The following ZNF407 variants were observed in gnomAD, a reference collection of about 807,000 sequenced individuals.
ZNF407 encodes zinc finger protein 407.
Under a neutral mutation model 131.2 loss-of-function variants are expected in ZNF407, and 17 were observed. The observed-to-expected ratio is 0.13, with a 90% CI of 0.09 to 0.19. The LOEUF is 0.19. Among genes scored for constraint, ZNF407 ranks in the 10% least tolerant of loss-of-function variants. The probability of loss-of-function intolerance (pLI) is 1.00; values close to 1 mark genes in which losing one functional copy is unlikely to be tolerated. For synonymous variants in ZNF407, 1,156 were observed against 1,062.0 expected, an observed-to-expected ratio of 1.09 and a Z score of -1.72; for missense variants, 2,681 against 2,830.6, an observed-to-expected ratio of 0.95 and a Z score of 1.20.
At chr18:74,832,899 T>A (rs1044480920) in intron 4 of ZNF407, among the ~76,000 whole-genome samples, 3 of 152,194 alleles carry the variant, frequency 2.0e-5, no homozygotes, top group African/African-American at 7.2e-5. Context: ...TCTATTGAAT[T>A]TTTAAAACTA....
chr18:74,752,674 C>G (rs560007021), intron 3 of ZNF407, among the ~76,000 whole-genome samples: 4 of 152,166 alleles, frequency 2.6e-5, no homozygotes, highest in Non-Finnish European at 5.9e-5. Context: ...TGTCAAAGAT[C>G]AGATGGTTGT....
rs147840191 is a variant in ZNF407 at position 74,964,864 on chromosome 18, C to T, written c.5428+44172C>T. Among the ~76,000 whole-genome samples, 749 of 152,260 alleles carry T rather than the reference C, an allele frequency of 4.9e-3. 19 individuals carry two copies. Among genetic ancestry groups the T allele is most frequent in the East Asian group, 0.035 (179 of 5,172 alleles). ...GGGGTGGGTGTCTGCTCCCTACCCT[C>T]CCTTTAGATGTCTGCTAAAATTCAG... On this transcript the variant is annotated intron_variant, in intron 8 of 8. Coordinates refer to ENST00000299687, the MANE Select transcript of ZNF407 (RefSeq NM_017757.3).
At chr18:74,843,422 A>G (rs1292619039) in intron 4 of ZNF407, among the ~76,000 whole-genome samples, 2 of 152,332 alleles carry the variant, frequency 1.3e-5, no homozygotes, top group East Asian at 3.9e-4. Flanking sequence ...AGACATATAT[A>G]TATCTTCTCT....
intron 8 of ZNF407, among the ~76,000 whole-genome samples, chr18:74,988,190 T>C (rs540032695): frequency 3.7e-4 from 57 of 152,342 alleles, no homozygotes; most frequent in African/African-American, 1.3e-3. Context: ...TTAACGGTTC[T>C]GAAATATTAT....
chr18:74,704,768 CA>C (rs1967585190), intron 3 of ZNF407, among the ~76,000 whole-genome samples: 2 of 152,090 alleles, frequency 1.3e-5, no homozygotes, highest in East Asian at 1.9e-4. Flanking sequence ...AGTGTTTCTG[CA>C]ATAAGTGTCT....
At chr18:74,751,369 T>G (rs182279984) in intron 3 of ZNF407, among the ~76,000 whole-genome samples, 7 of 152,172 alleles carry the variant, frequency 4.6e-5, no homozygotes, top group African/African-American at 7.2e-5. Context: ...TTCTTTTTTT[T>G]AAAATTTATT....
intron 3 of ZNF407, among the ~76,000 whole-genome samples, chr18:74,725,707 A>G (rs1968140523): frequency 1.3e-5 from 2 of 152,340 alleles, no homozygotes; most frequent in Middle Eastern, 3.4e-3. Context: ...TTTAAACTAT[A>G]ATACAATATG....
chr18:74,891,847 T>C (rs1372536337), intron 7 of ZNF407, among the ~76,000 whole-genome samples: 1 of 152,208 alleles, frequency 6.6e-6, no homozygotes, highest in Non-Finnish European at 1.5e-5. Context: ...ATTCAGTTTT[T>C]ACTCTATGCA....
intron 7 of ZNF407, among the ~76,000 whole-genome samples, chr18:74,895,294 G>C (rs1012231016): frequency 7.9e-5 from 12 of 151,182 alleles, no homozygotes; most frequent in Non-Finnish European, 1.6e-4. Context: ...TGCTCAACTA[G>C]AAGTGTGCTT....
chr18:75,022,706 A>G (rs1244953224), intron 8 of ZNF407, among the ~76,000 whole-genome samples: 1 of 152,190 alleles, frequency 6.6e-6, no homozygotes, highest in Non-Finnish European at 1.5e-5. Flanking sequence ...GTGAGGCTGT[A>G]GAGAGGAACA....
intron 4 of ZNF407, among the ~76,000 whole-genome samples, chr18:74,817,749 C>G (rs1006017655): frequency 6.6e-6 from 1 of 152,146 alleles, no homozygotes. Context: ...AACCACAAGG[C>G]TGAGAAGTTA....
chr18:74,812,880 C>A (rs1002793491), intron 4 of ZNF407, among the ~76,000 whole-genome samples: 2 of 152,120 alleles, frequency 1.3e-5, no homozygotes, highest in South Asian at 2.1e-4. Flanking sequence ...CCAATGAATT[C>A]TTGATGAAAG....
intron 4 of ZNF407, among the ~76,000 whole-genome samples, chr18:74,859,228 A>C (rs1333312012): frequency 1.3e-5 from 2 of 152,302 alleles, no homozygotes; most frequent in African/African-American, 2.4e-5. Flanking sequence ...TGTGTTTATG[A>C]CTTCTAATTG....
At chr18:74,783,506 C>G (rs1969646648) in intron 4 of ZNF407, among the ~76,000 whole-genome samples, 1 of 151,242 alleles carries the variant, frequency 6.6e-6, no homozygotes, top group East Asian at 1.9e-4. Context: ...CCTTAAAATG[C>G]TAGAAATCCT....
intron 8 of ZNF407, among the ~76,000 whole-genome samples, chr18:74,963,741 C>T (rs1252053173): frequency 2.0e-5 from 3 of 152,196 alleles, no homozygotes; most frequent in Non-Finnish European, 4.4e-5. Context: ...TTTAAAATTT[C>T]AGATGGCTTA....
rs567594516 is a variant in ZNF407, at chr18:74,843,163, A to G, written c.4878-34034A>G. On this transcript the variant is annotated intron_variant, in intron 4 of 8. Coordinates refer to ENST00000299687, the MANE Select transcript of ZNF407 (RefSeq NM_017757.3). Reference sequence around the variant, plus strand: ...TTTGACGAATGAGTATATTGGGCATATGTGTTTTATATTTCTATTTTTTGT... The same window carrying G: ...TTTGACGAATGAGTATATTGGGCATGTGTGTTTTATATTTCTATTTTTTGT... Among the ~76,000 whole-genome samples, 13 of 152,244 alleles carry G rather than the reference A, an allele frequency of 8.5e-5. No homozygotes were observed. In the South Asian group the frequency reaches 2.7e-3, roughly 32 times the overall value.
At chr18:75,050,790 G>C (rs980597575) in intron 8 of ZNF407, among the ~76,000 whole-genome samples, 2 of 152,174 alleles carry the variant, frequency 1.3e-5, no homozygotes, top group Non-Finnish European at 2.9e-5. Context: ...CTACAGTAAA[G>C]GTAGTCAGTG....
At chr18:74,795,090 C>G (rs1467076830) in intron 4 of ZNF407, among the ~76,000 whole-genome samples, 1 of 151,898 alleles carries the variant, frequency 6.6e-6, no homozygotes, top group East Asian at 1.9e-4. Flanking sequence ...GGGATCATTC[C>G]TGTTAGCATT....
intron 3 of ZNF407, among the ~76,000 whole-genome samples, chr18:74,704,233 G>A (rs189397011): frequency 3.6e-4 from 55 of 152,276 alleles, no homozygotes; most frequent in Non-Finnish European, 6.2e-4. Flanking sequence ...GCTGCGCTTC[G>A]TGGGCTTCCA....
Sources: allele counts gnomAD v4.1 joint callset (sites outside exome capture counted in the v4.1 genomes callset), GRCh38; gene constraint gnomAD v4.1.1; transcripts MANE v1.5; gene names NCBI Gene and HGNC (gene_info 2026-07-23, HGNC 2026-07-21).